The following ZNF697 variants were observed in gnomAD, a reference collection of about 807,000 sequenced individuals.
The protein encoded by ZNF697 is zinc finger protein 697.
ZNF697 carries 23 observed loss-of-function variants against 32.4 expected under a neutral mutation model. That is an observed-to-expected ratio of 0.71 (90% confidence interval 0.51 to 1.01). The LOEUF is 1.01. Ranked by LOEUF, ZNF697 falls within the 50% of genes least tolerant of loss-of-function variation. The pLI is 0.00. For missense variants in ZNF697, 930 were observed against 794.0 expected (o/e 1.17, Z -2.06); for synonymous variants, 418 against 337.2 (o/e 1.24, Z -2.62).
At chr1:119,637,947 G>C (rs2101092449) in intron 1 of ZNF697, among the ~76,000 whole-genome samples, 1 of 151,888 alleles carries the variant, frequency 6.6e-6, no homozygotes, top group East Asian at 1.9e-4. Context: ...ATGTGTGAGA[G>C]AGAGAGAGAG....
intron 1 of ZNF697, among the ~76,000 whole-genome samples, chr1:119,644,955 A>G (rs1649164443): frequency 1.3e-5 from 2 of 152,252 alleles, no homozygotes; most frequent in Admixed American, 6.5e-5. Context: ...CTGCTTTTCC[A>G]ATGAGCACTT....
At chr1:119,634,345 T>G (rs757111659) in intron 1 of ZNF697, among the ~76,000 whole-genome samples, 10 of 152,202 alleles carry the variant, frequency 6.6e-5, no homozygotes, top group Non-Finnish European at 1.3e-4. Flanking sequence ...CTGTTTGGTG[T>G]TGTTGATGAA....
chr1:119,622,516 A>C lies in ZNF697; in HGVS notation c.*189T>G. 1.8e-6 allele frequency: 2 copies of C among 1,090,160 alleles called. No individual in the cohort carries two copies. The highest frequency in any genetic ancestry group is 1.6e-5 in the African/African-American group (1 of 62,944). 67.5% of individuals were successfully genotyped at this position (1,090,160 alleles called of 1,614,324 possible). A position where few individuals can be genotyped will look rare whatever the true frequency, so the allele number is the denominator to read the frequency against. ...ACAATTCTTCCGTGGAGAGGAGGCA[A>C]GTATAGCACCGGGAAAGACCAACTT... On this transcript the variant is annotated 3_prime_UTR_variant, in exon 3 of 3. Transcript: ENST00000421812.
intron 1 of ZNF697, among the ~76,000 whole-genome samples, chr1:119,634,432 T>C (rs1570944849): frequency 6.6e-6 from 1 of 152,192 alleles, no homozygotes; most frequent in East Asian, 1.9e-4. Context: ...TGCCAAGATA[T>C]CTTCCAAAAA....
chr1:119,628,271 G>T (rs587729751), intron 1 of ZNF697, among the ~76,000 whole-genome samples: 1 of 152,298 alleles, frequency 6.6e-6, no homozygotes, highest in East Asian at 1.9e-4. Flanking sequence ...TCCGATCTGG[G>T]AAACAGGGAG....
rs1006133820 is a variant in ZNF697 at position 119,620,089 on chromosome 1, G to C, written c.*2616C>G. 2 of 152,590 alleles carry C rather than the reference G, an allele frequency of 1.3e-5. No homozygotes were observed. Among genetic ancestry groups the C allele is most frequent in the Non-Finnish European group, 1.5e-5 (1 of 68,028 alleles). 9.5% of individuals were successfully genotyped at this position (152,590 alleles called of 1,614,324 possible). On this transcript the variant is annotated 3_prime_UTR_variant, in exon 3 of 3. Transcript: ENST00000421812. ...CCCTGAAGAATTGTAAGAAAAAATG[G>C]AATCACATTTTAAATGCACCAATAG...
chr1:119,647,505 T>A (rs1469606465), intron 1 of ZNF697, among the ~76,000 whole-genome samples, 186 bp downstream of exon 1: 1 of 152,096 alleles, frequency 6.6e-6, no homozygotes, highest in Non-Finnish European at 1.5e-5. Context: ...TGGGCTAGAA[T>A]GGAGAAGAGA....
chr1:119,634,740 A>T (rs1469985971), intron 1 of ZNF697, among the ~76,000 whole-genome samples: 1 of 152,256 alleles, frequency 6.6e-6, no homozygotes, highest in Non-Finnish European at 1.5e-5. Flanking sequence ...TAGGTCAAAA[A>T]ACATAAACAA....
intron 1 of ZNF697, among the ~76,000 whole-genome samples, chr1:119,630,276 GGT>G (rs1236880027): frequency 6.6e-6 from 1 of 152,218 alleles, no homozygotes; most frequent in Non-Finnish European, 1.5e-5. Flanking sequence ...GTGACACACA[GGT>G]GAGTTGATCC....
rs1649280170 is a variant in ZNF697 at position 119,648,264 on chromosome 1, A to G, written c.-611T>C. The G allele has an allele frequency of 1.3e-5, 2 of 148,248 alleles. No homozygotes were observed. Among genetic ancestry groups the G allele is most frequent in the Non-Finnish European group, 3.0e-5 (2 of 66,092 alleles). 9.2% of individuals were successfully genotyped at this position (148,248 alleles called of 1,614,324 possible). A position where few individuals can be genotyped will look rare whatever the true frequency, so the allele number is the denominator to read the frequency against. ...TGGCTGGCTGCCCGGCTGACTCCTC[A>G]CTGGGGCTTCCTGTAGGGCTGGACA... On this transcript the variant is annotated 5_prime_UTR_variant, in exon 1 of 3. Transcript: ENST00000421812.
intron 1 of ZNF697, among the ~76,000 whole-genome samples, chr1:119,635,629 A>G (rs964512349): frequency 2.0e-5 from 3 of 152,208 alleles, no homozygotes; most frequent in African/African-American, 7.2e-5. Context: ...TAATGAAAGG[A>G]TGTGAGTGTC....
At chr1:119,632,391 C>T (rs1453705067) in intron 1 of ZNF697, among the ~76,000 whole-genome samples, 1 of 152,210 alleles carries the variant, frequency 6.6e-6, no homozygotes, top group Non-Finnish European at 1.5e-5. Context: ...AAGATTACTG[C>T]ACCTAAGTGT....
rs79896572 is a variant in ZNF697, at chr1:119,625,788, G to T, written c.226+87C>A. The T allele has an allele frequency of 4.3e-3, 6,542 of 1,519,958 alleles. 238 individuals carry two copies. In the African/African-American group the frequency reaches 0.073, roughly 17 times the overall value. 94.2% of individuals were successfully genotyped at this position (1,519,958 alleles called of 1,614,324 possible). A position where few individuals can be genotyped will look rare whatever the true frequency, so the allele number is the denominator to read the frequency against. On this transcript the variant is annotated intron_variant, in intron 2 of 2. Transcript: ENST00000421812. ...CCCCTCTATGGAACTCCCTTACAGA[G>T]AATGCTGTCGCTAGTTATGATTCTA...
At chr1:119,624,175 C>G in intron 2 of ZNF697, 59 bp from the exon 3 acceptor site, 1 of 1,494,534 alleles carries the variant, frequency 6.7e-7, no homozygotes, top group Non-Finnish European at 8.9e-7. Flanking sequence ...AAAGATAAGC[C>G]CAGAGGAAAC....
chr1:119,623,080 G>A lies in ZNF697; in HGVS notation c.1263C>T (p.Ser421=). 1.3e-6 allele frequency: 2 copies of A among 1,585,524 alleles called. No individual in the cohort carries two copies. Among genetic ancestry groups the A allele is most frequent in the Admixed American group, 1.8e-5 (1 of 56,020 alleles). ...CSECGETFSV[S]SHLFTHKRTH... is the part of the protein sequence containing the mutation. ...TGCGCTTGTGCGTGAAGAGGTGCGA[G>A]CTGACGCTGAAGGTCTCGCCGCACT... The change falls in exon 3 of 3, where the codon AGC becomes AGT. Residue 421 remains serine (S), a synonymous_variant. Coordinates refer to ENST00000421812, the MANE Select transcript of ZNF697 (RefSeq NM_001080470.2).
intron 1 of ZNF697, among the ~76,000 whole-genome samples, chr1:119,643,349 T>C (rs1404989205): frequency 1.3e-5 from 2 of 152,174 alleles, no homozygotes; most frequent in African/African-American, 4.8e-5. Context: ...TATTCTCCTT[T>C]AACATGACTA....
chr1:119,625,868 T>C lies in ZNF697; in HGVS notation c.226+7A>G, dbSNP rs762841925. The C allele has an allele frequency of 4.3e-6, 7 of 1,613,068 alleles. No homozygotes were observed. The South Asian group carries it at 5.5e-5, about 13-fold the overall frequency. Reference sequence around the variant, plus strand: ...AACTTGCATAGAAATCCCAGCTTTCTCCTCACCTGTGCAGATGTCGGGCAC... The same window carrying C: ...AACTTGCATAGAAATCCCAGCTTTCCCCTCACCTGTGCAGATGTCGGGCAC... On this transcript the variant is annotated splice_region_variant and intron_variant, in intron 2 of 2. Coordinates refer to ENST00000421812, the MANE Select transcript of ZNF697 (RefSeq NM_001080470.2).
rs1351777069 is a variant in ZNF697 at position 119,620,227 on chromosome 1, T to C, written c.*2478A>G. 1 of 152,404 alleles carries C rather than the reference T, an allele frequency of 6.6e-6. No homozygotes were observed. Among genetic ancestry groups the C allele is most frequent in the Non-Finnish European group, 1.5e-5 (1 of 67,978 alleles). The allele number at this position is 152,404 out of a possible 1,614,324, so 9.4% of individuals were successfully genotyped here. ...ATGGTAATAGAAATAATGAGAGAGG[T>C]AAATGAAGTCCAAAGATTCCCACTG... On this transcript the variant is annotated 3_prime_UTR_variant, in exon 3 of 3. Coordinates refer to ENST00000421812, the MANE Select transcript of ZNF697 (RefSeq NM_001080470.2).
chr1:119,634,901 ATT>A (rs1445259498), intron 1 of ZNF697, among the ~76,000 whole-genome samples: 1 of 152,248 alleles, frequency 6.6e-6, no homozygotes, highest in African/African-American at 2.4e-5. Flanking sequence ...TGGTACTGAG[ATT>A]AAGTGTACAA....
Sources: gnomAD v4.1 joint callset for allele counts (sites outside exome capture counted in the v4.1 genomes callset) on GRCh38, gnomAD v4.1.1 for gene constraint, MANE v1.5 for transcripts, NCBI Gene and HGNC (gene_info 2026-07-23, HGNC 2026-07-21) for gene names.